The following PGM2 variants were observed in gnomAD, a reference collection of about 807,000 sequenced individuals.
PGM2 encodes the protein phosphopentomutase.
In PGM2, 57 loss-of-function variants were observed where a neutral mutation model predicts 74.6. The ratio of observed to expected loss-of-function variants is 0.76; its 90% CI spans 0.62 to 0.95. The LOEUF (loss-of-function observed/expected upper bound fraction) is 0.95. Ranked by LOEUF, PGM2 falls within the 40% of genes least tolerant of loss-of-function variation. The probability of loss-of-function intolerance (pLI) is 0.00; values close to 1 mark genes in which losing one functional copy is unlikely to be tolerated. For synonymous variants in PGM2, 273 were observed against 260.7 expected (o/e 1.05, Z -0.46); for missense variants, 706 against 741.9 (o/e 0.95, Z 0.56).
At chr4:37,831,573 T>C (rs959659823) in intron 2 of PGM2, among the ~76,000 whole-genome samples, 2 of 152,214 alleles carry the variant, frequency 1.3e-5, no homozygotes, top group African/African-American at 4.8e-5. Context: ...TATTACTGGC[T>C]ATTGGCTGGG....
Position 37,844,470 on chromosome 4 carries a change from G to A in PGM2, c.826G>A (p.Glu276Lys), listed in dbSNP as rs1369693722. The A allele has an allele frequency of 6.8e-6, 11 of 1,613,612 alleles. No individual in the cohort carries two copies. The highest frequency in any genetic ancestry group is 1.7e-5 in the Admixed American group (1 of 60,012). ...CAAGGCTTTTGACCTTGTTCCTCCT[G>A]AGGCTGTTCCTGAACAGAAAGATCC... ...AFKAFDLVPP[E>K]AVPEQKDPDP... Residue 276 changes from glutamate to lysine, a missense_variant, in exon 7 of 14, where the codon GAG becomes AAG. This residue lies in a region of PGM2 where 15 missense variants were observed against 35.8 expected (regional missense o/e 0.42). Coordinates refer to ENST00000381967, the MANE Select transcript of PGM2 (RefSeq NM_018290.4).
Position 37,844,311 on chromosome 4 carries a change from T to G in PGM2, c.720-53T>G, listed in dbSNP as rs1197414300. 5 of 1,227,272 alleles carry G rather than the reference T, an allele frequency of 4.1e-6. No homozygotes were observed. The South Asian group carries it at 4.3e-5, about 11-fold the overall frequency. 76.0% of individuals were successfully genotyped at this position (1,227,272 alleles called of 1,614,324 possible). ...GTGCATTCTTGCAAACCTTGCAGTT[T>G]TGAGAGCCCTGTTTCTGCCTTGTAT... On this transcript the variant is annotated intron_variant, in intron 6 of 13. Transcript: ENST00000381967.
intron 1 of PGM2, 34 bp downstream of exon 1, chr4:37,826,847 G>T (rs951057991): frequency 7.6e-5 from 107 of 1,403,718 alleles, no homozygotes; most frequent in African/African-American, 1.4e-4. Context: ...AGCGCCTGGA[G>T]CGGGGCCGGG....
At chr4:37,853,411 G>C (rs962605687) in intron 12 of PGM2, among the ~76,000 whole-genome samples, 1 of 146,356 alleles carries the variant, frequency 6.8e-6, no homozygotes, top group Non-Finnish European at 1.5e-5. Flanking sequence ...CCTCTCTAAG[G>C]ATTATAGACC....
chr4:37,836,312 G>C (rs527432905), intron 3 of PGM2, among the ~76,000 whole-genome samples: 1 of 152,312 alleles, frequency 6.6e-6, no homozygotes, highest in East Asian at 1.9e-4. Flanking sequence ...CCTGTAACGC[G>C]TGAGACATTT....
chr4:37,833,515 C>T lies in PGM2; in HGVS notation c.250-1103C>T, dbSNP rs367791132. Among the ~76,000 whole-genome samples the T allele has an allele frequency of 5.9e-5, 9 of 152,254 alleles. No individual in the cohort carries two copies. The South Asian group carries it at 1.5e-3, about 25-fold the overall frequency. ...GATTGAGGCTGCAGTGAACCATGAT[C>T]GTGTCACTGCACTCCAGCATGGGAG... is the stretch of plus-strand genomic sequence containing the variant. On this transcript the variant is annotated intron_variant, in intron 2 of 13. Coordinates refer to ENST00000381967, the MANE Select transcript of PGM2 (RefSeq NM_018290.4).
rs114326618 is a variant in PGM2 at position 37,829,982 on chromosome 4, G to T, written c.100G>T (p.Ala34Ser). ...RWDKNSLTLE[A>S]VKRLIAEGNK... ...TTTTCAGAATTCCTTAACTTTGGAG[G>T]CAGTGAAACGACTAATAGCAGAAGG... The change falls in exon 2 of 14, where the codon GCA (alanine) becomes TCA (serine). Residue 34 changes from alanine (A) to serine (S), a missense_variant. Coordinates refer to ENST00000381967, the MANE Select transcript of PGM2 (RefSeq NM_018290.4). 8.1e-6 allele frequency: 13 copies of T among 1,599,584 alleles called. No homozygotes were observed. The highest frequency in any genetic ancestry group is 1.8e-5 in the Admixed American group (1 of 56,642).
At chr4:37,827,029 G>A (rs1313569686) in intron 1 of PGM2, among the ~76,000 whole-genome samples, 1 of 152,260 alleles carries the variant, frequency 6.6e-6, no homozygotes, top group Non-Finnish European at 1.5e-5. Context: ...GCTTGTCCCC[G>A]GACGAAACCA....
intron 13 of PGM2, among the ~76,000 whole-genome samples, chr4:37,858,281 G>A (rs1237631091): frequency 2.6e-5 from 4 of 151,992 alleles, no homozygotes; most frequent in East Asian, 1.9e-4. Flanking sequence ...ATGTGGTCAC[G>A]GCTTAAGCAA....
Position 37,851,411 on chromosome 4 carries a change from A to G in PGM2, c.1602+1038A>G, listed in dbSNP as rs552756647. 5.4e-4 allele frequency among the ~76,000 whole-genome samples: 83 copies of G among 152,330 alleles called. 1 individual carries two copies. The South Asian group carries it at 0.017, about 30-fold the overall frequency. On this transcript the variant is annotated intron_variant, in intron 12 of 13. Transcript: ENST00000381967. Reference sequence around the variant, plus strand: ...TGTTGGCTGTAAAGCCTGAGTTTGCATTCTTTACACCAAGCAGATCTTTCA... The same window carrying G: ...TGTTGGCTGTAAAGCCTGAGTTTGCGTTCTTTACACCAAGCAGATCTTTCA...
intron 6 of PGM2, among the ~76,000 whole-genome samples, chr4:37,843,195 ACT>A (rs1462218910): frequency 6.6e-6 from 1 of 151,776 alleles, no homozygotes; most frequent in Non-Finnish European, 1.5e-5. Context: ...CAACTTCTGA[ACT>A]CTCTATTCTG....
At chr4:37,843,450 A>G (rs1444705059) in intron 6 of PGM2, among the ~76,000 whole-genome samples, 1 of 152,174 alleles carries the variant, frequency 6.6e-6, no homozygotes, top group Non-Finnish European at 1.5e-5. Flanking sequence ...GATTCCAGCC[A>G]TCAGAGCACT....
intron 12 of PGM2, among the ~76,000 whole-genome samples, chr4:37,852,133 C>CTTTTTTTTTTT (rs778968323): frequency 8.5e-5 from 4 of 47,272 alleles, no homozygotes; most frequent in African/African-American, 3.2e-4. Flanking sequence ...ATGCCCAGCT[C>CTTTTTTTTTTT]TTTTTTTTTT....
chr4:37,849,195 G>A (rs568391449), intron 11 of PGM2, among the ~76,000 whole-genome samples: 11 of 152,148 alleles, frequency 7.2e-5, no homozygotes, highest in African/African-American at 9.6e-5. Context: ...GAAAGAATGT[G>A]ATTTTAAGTG....
intron 13 of PGM2, among the ~76,000 whole-genome samples, chr4:37,859,738 A>C (rs1195758279): frequency 3.9e-5 from 6 of 152,158 alleles, no homozygotes; most frequent in African/African-American, 1.4e-4. Flanking sequence ...TTATAATCAA[A>C]TCAAGAACAC....
intron 13 of PGM2, among the ~76,000 whole-genome samples, chr4:37,858,456 C>T (rs1008184587): frequency 6.6e-6 from 1 of 151,684 alleles, no homozygotes; most frequent in Non-Finnish European, 1.5e-5. Context: ...TGTGCCTCAG[C>T]CTCCTGAGTA....
chr4:37,834,597 A>T, intron 2 of PGM2, 21 bp from the exon 3 acceptor site: 1 of 1,152,520 alleles, frequency 8.7e-7, no homozygotes, highest in Non-Finnish European at 1.3e-6. Flanking sequence ...CATACTTTTT[A>T]AATCTATGGT....
chr4:37,846,070 T>C (rs753080717), intron 8 of PGM2, among the ~76,000 whole-genome samples: 11 of 152,206 alleles, frequency 7.2e-5, no homozygotes, highest in Non-Finnish European at 1.0e-4. Flanking sequence ...GTGCTAGCTG[T>C]ATGCTTCAGT....
rs1203293553 is a variant in PGM2 at position 37,862,507 on chromosome 4, A to G, written c.*895A>G. On this transcript the variant is annotated 3_prime_UTR_variant, in exon 14 of 14. Transcript: ENST00000381967. ...GACTTTATTATGATAGATTTCCTAT[A>G]AGCCAATTTCTAATAACAAATAGAT... 4.6e-5 allele frequency: 7 copies of G among 152,118 alleles called. No individual in the cohort carries two copies. The highest frequency in any genetic ancestry group is 1.7e-4 in the African/African-American group (7 of 41,452). 9.4% of individuals were successfully genotyped at this position (152,118 alleles called of 1,614,324 possible). A position where few individuals can be genotyped will look rare whatever the true frequency, so the allele number is the denominator to read the frequency against.
Sources: gnomAD v4.1 joint callset for allele counts (sites outside exome capture counted in the v4.1 genomes callset) on GRCh38, gnomAD v4.1.1 for gene constraint, gnomAD v4.1.1 regional missense constraint, MANE v1.5 for transcripts, NCBI Gene and HGNC (gene_info 2026-07-23, HGNC 2026-07-21) for gene names.